SMYD3: variants seen among roughly 807,000 people sequenced by gnomAD.
SMYD3 encodes the protein histone-lysine N-methyltransferase SMYD3.
A neutral mutation model predicts 57.7 loss-of-function variants in SMYD3; 36 were observed. That is an observed-to-expected ratio of 0.62 (90% confidence interval 0.48 to 0.82). The LOEUF is 0.82. SMYD3 is among the 40% of genes least tolerant of loss of function. SMYD3 has a pLI of 0.00. For synonymous variants in SMYD3, 211 were observed against 195.0 expected (o/e 1.08, Z -0.68); for missense variants, 515 against 538.8 (o/e 0.96, Z 0.44).
chr1:245,801,179 T>G (rs992893022), intron 10 of SMYD3, among the ~76,000 whole-genome samples: 2 of 152,234 alleles, frequency 1.3e-5, no homozygotes, highest in Non-Finnish European at 2.9e-5. Flanking sequence ...GTGCTACGTA[T>G]TATACTAGAG....
At chr1:245,777,300 T>C (rs1558326917) in intron 10 of SMYD3, among the ~76,000 whole-genome samples, 1 of 152,234 alleles carries the variant, frequency 6.6e-6, no homozygotes, top group Admixed American at 6.5e-5. Flanking sequence ...AAGTAATTAG[T>C]AGTTCTTGTC....
intron 5 of SMYD3, among the ~76,000 whole-genome samples, chr1:246,083,379 A>G (rs184794191): frequency 6.6e-6 from 1 of 152,238 alleles, no homozygotes; most frequent in Non-Finnish European, 1.5e-5. Flanking sequence ...TTTATGATGC[A>G]GAGACATTTG....
intron 5 of SMYD3, among the ~76,000 whole-genome samples, chr1:246,233,050 C>T (rs1275575943): frequency 3.8e-5 from 5 of 133,282 alleles, no homozygotes; most frequent in Non-Finnish European, 6.4e-5. Flanking sequence ...GGGAGAAGCA[C>T]TCCTTCAATT....
At chr1:246,296,801 ACTC>A (rs1462789636) in intron 5 of SMYD3, among the ~76,000 whole-genome samples, 3 of 152,094 alleles carry the variant, frequency 2.0e-5, no homozygotes, top group Admixed American at 6.6e-5. Flanking sequence ...ATTTAAATAA[ACTC>A]CTATTTAAGT....
At chr1:245,793,437 A>G (rs1271930777) in intron 10 of SMYD3, among the ~76,000 whole-genome samples, 1 of 152,128 alleles carries the variant, frequency 6.6e-6, no homozygotes, top group Non-Finnish European at 1.5e-5. Flanking sequence ...GGCAGGAATG[A>G]AAACCGTTGT....
chr1:246,101,064 GTTTTTTGTTTT>G (rs1411489996), intron 5 of SMYD3, among the ~76,000 whole-genome samples: 4 of 78,564 alleles, frequency 5.1e-5, no homozygotes, highest in Non-Finnish European at 9.2e-5. Context: ...ATTTTTAGGG[GTTTTTTGTTTT>G]TTTTTTTTTT....
At chr1:246,297,467 G>A (rs1373914665) in intron 5 of SMYD3, among the ~76,000 whole-genome samples, 1 of 152,076 alleles carries the variant, frequency 6.6e-6, no homozygotes, top group Non-Finnish European at 1.5e-5. Flanking sequence ...GGGAAACAAC[G>A]CATCCAAGAA....
intron 6 of SMYD3, 85 bp downstream of exon 6, chr1:245,929,785 G>T: frequency 1.9e-6 from 2 of 1,051,148 alleles, no homozygotes; most frequent in Non-Finnish European, 3.0e-6. Flanking sequence ...TGCAGCAACT[G>T]CCTTTCTAAC....
intron 5 of SMYD3, among the ~76,000 whole-genome samples, chr1:246,309,136 G>T (rs927726764): frequency 3.3e-5 from 5 of 151,908 alleles, no homozygotes; most frequent in African/African-American, 9.7e-5. Flanking sequence ...GTGAAAAAAA[G>T]TTTAATACTA....
intron 1 of SMYD3, among the ~76,000 whole-genome samples, chr1:246,398,266 G>A (rs1157090527): frequency 6.6e-6 from 1 of 152,200 alleles, no homozygotes; most frequent in East Asian, 1.9e-4. Flanking sequence ...TGAGCAAGAA[G>A]GGAGTTAATT....
At chr1:246,277,319 C>A (rs1037512280) in intron 5 of SMYD3, among the ~76,000 whole-genome samples, 2 of 152,152 alleles carry the variant, frequency 1.3e-5, no homozygotes, top group African/African-American at 2.4e-5. Context: ...AACGTCCTTG[C>A]ACACTGTTAC....
intron 8 of SMYD3, among the ~76,000 whole-genome samples, chr1:245,904,582 G>A (rs1050127212): frequency 6.6e-6 from 1 of 152,148 alleles, no homozygotes; most frequent in Non-Finnish European, 1.5e-5. Context: ...AATCCCAGAG[G>A]TCCGAACTTG....
intron 5 of SMYD3, among the ~76,000 whole-genome samples, chr1:246,041,468 A>C (rs1014993682): frequency 6.6e-6 from 1 of 152,178 alleles, no homozygotes; most frequent in Non-Finnish European, 1.5e-5. Context: ...TCTAATAGTA[A>C]GTTTCTTATT....
intron 5 of SMYD3, among the ~76,000 whole-genome samples, chr1:246,094,659 G>C (rs976502662): frequency 1.3e-5 from 2 of 152,156 alleles, no homozygotes; most frequent in African/African-American, 4.8e-5. Context: ...CAAAGGTCCA[G>C]AGCCACTGCT....
intron 5 of SMYD3, among the ~76,000 whole-genome samples, chr1:246,236,027 T>A (rs2063508072): frequency 6.6e-6 from 1 of 152,146 alleles, no homozygotes; most frequent in South Asian, 2.1e-4. Flanking sequence ...GATATATACA[T>A]TCCTGAAAAA....
chr1:246,396,363 G>A (rs1458200640), intron 1 of SMYD3, among the ~76,000 whole-genome samples: 1 of 152,048 alleles, frequency 6.6e-6, no homozygotes, highest in Non-Finnish European at 1.5e-5. Context: ...GTTCCCAACG[G>A]CTCACTTACT....
At chr1:246,003,456 A>C (rs75670545) in intron 5 of SMYD3, among the ~76,000 whole-genome samples, 1,730 of 152,336 alleles carry the variant, frequency 0.011, 30 homozygotes, top group Middle Eastern at 0.034. Context: ...GGACAGCTGA[A>C]GTTCACACAT....
At chr1:246,019,740 T>C (rs2148222191) in intron 5 of SMYD3, among the ~76,000 whole-genome samples, 1 of 152,242 alleles carries the variant, frequency 6.6e-6, no homozygotes, top group East Asian at 1.9e-4. Flanking sequence ...TCAAATCCTA[T>C]AAGGCCAGTA....
At chr1:246,206,282 G>A (rs919010028) in intron 5 of SMYD3, among the ~76,000 whole-genome samples, 3 of 151,484 alleles carry the variant, frequency 2.0e-5, no homozygotes, top group Non-Finnish European at 4.4e-5. Context: ...AAGGAAGGAA[G>A]GGAAACCTAC....
Sources: gnomAD v4.1 joint callset for allele counts (sites outside exome capture counted in the v4.1 genomes callset) on GRCh38, gnomAD v4.1.1 for gene constraint, MANE v1.5 for transcripts, NCBI Gene and HGNC (gene_info 2026-07-23, HGNC 2026-07-21) for gene names.